The following FAM163A variants were observed in gnomAD, a reference collection of about 807,000 sequenced individuals.
FAM163A encodes the protein family with sequence similarity 163 member A.
Under a neutral mutation model 12.0 loss-of-function variants are expected in FAM163A, and 7 were observed. The observed-to-expected ratio is 0.58, with a 90% confidence interval of 0.33 to 1.10. FAM163A has a LOEUF of 1.10. Among genes scored for constraint, FAM163A ranks in the 50% least tolerant of loss-of-function variants. The pLI is 0.03. For missense variants in FAM163A, 202 were observed against 218.6 expected (o/e 0.92, Z 0.48); for synonymous variants, 101 against 91.0 (o/e 1.11, Z -0.62).
At chr1:179,730,132 C>T in the FAM163A span, 3 of 152,238 alleles carry the variant, frequency 2.0e-5, no homozygotes, top group Admixed American at 2.0e-4. Flanking sequence ...CCTGATGTCA[C>T]AGTCACCTTA....
At chr1:179,777,537 T>G (rs1689146915) in intron 1 of FAM163A, among the ~76,000 whole-genome samples, 1 of 152,198 alleles carries the variant, frequency 6.6e-6, no homozygotes, top group Admixed American at 6.5e-5. Context: ...TCTGATGTGC[T>G]GCTGCAGATG....
upstream of FAM163A, among the ~76,000 whole-genome samples, chr1:179,740,366 A>C (rs1489068944): frequency 6.6e-6 from 1 of 152,068 alleles, no homozygotes; most frequent in Non-Finnish European, 1.5e-5. Context: ...TTTTATGTAG[A>C]GACAGGGTCT....
chr1:179,800,458 A>C lies in FAM163A; in HGVS notation c.-135-7340A>C, dbSNP rs570299050. 8.1e-4 allele frequency among the ~76,000 whole-genome samples: 123 copies of C among 152,240 alleles called. 1 individual carries two copies. The highest frequency in any genetic ancestry group is 2.2e-3 in the Admixed American group (34 of 15,282). The stretch of plus-strand genomic sequence containing the variant: ...TATTTATTTGTAACCCCAAGCACTG[A>C]ACAAGCCTGATGGATATGCCTACTC... On this transcript the variant is annotated intron_variant, in intron 1 of 4. Coordinates refer to ENST00000341785, the MANE Select transcript of FAM163A (RefSeq NM_173509.3).
Position 179,777,046 on chromosome 1 carries a change from G to C in FAM163A, c.-135-30752G>C, listed in dbSNP as rs189692754. Reference sequence around the variant, plus strand: ...TTTGTCCATGTTGTAGCATGCATCAGAATGCCATTCCTTTTCATGACTGAG... The same window carrying C: ...TTTGTCCATGTTGTAGCATGCATCACAATGCCATTCCTTTTCATGACTGAG... On this transcript the variant is annotated intron_variant, in intron 1 of 4. Transcript: ENST00000341785. Among the ~76,000 whole-genome samples the C allele has an allele frequency of 2.9e-3, 441 of 152,340 alleles. 5 individuals are homozygous for C. Among genetic ancestry groups the C allele is most frequent in the African/African-American group, 1.0e-2 (414 of 41,576 alleles).
the FAM163A span, among the ~76,000 whole-genome samples, chr1:179,732,406 A>C: frequency 6.6e-6 from 1 of 152,292 alleles, no homozygotes; most frequent in African/African-American, 2.4e-5. Context: ...CACTGTTACT[A>C]TGTCCCCACA....
chr1:179,805,249 G>C (rs1693762308), intron 1 of FAM163A, among the ~76,000 whole-genome samples: 1 of 152,166 alleles, frequency 6.6e-6, no homozygotes, highest in South Asian at 2.1e-4. Flanking sequence ...CGGGCATGCT[G>C]GCTCACGCCT....
chr1:179,744,054 A>AT, intron 1 of FAM163A, among the ~76,000 whole-genome samples: 1 of 152,020 alleles, frequency 6.6e-6, no homozygotes, highest in East Asian at 2.0e-4. Context: ...TTTGCTGGTG[A>AT]TTTTTCCGAA....
intron 1 of FAM163A, among the ~76,000 whole-genome samples, chr1:179,767,250 C>T (rs994867281): frequency 5.3e-5 from 8 of 152,098 alleles, no homozygotes; most frequent in African/African-American, 1.7e-4. Flanking sequence ...TGGACATGTT[C>T]GAGTCCAATC....
At chr1:179,782,391 G>A (rs1419418960) in intron 1 of FAM163A, among the ~76,000 whole-genome samples, 2 of 152,018 alleles carry the variant, frequency 1.3e-5, no homozygotes, top group African/African-American at 2.4e-5. Flanking sequence ...CAGAAGGGCC[G>A]GTCGGCAGGG....
At chr1:179,758,957 C>A (rs1400797204) in intron 1 of FAM163A, among the ~76,000 whole-genome samples, 2 of 152,168 alleles carry the variant, frequency 1.3e-5, no homozygotes, top group East Asian at 3.8e-4. Context: ...TTTAATAGCA[C>A]CCCTGCATCC....
At chr1:179,753,825 A>C (rs1685620936) in intron 1 of FAM163A, among the ~76,000 whole-genome samples, 1 of 152,204 alleles carries the variant, frequency 6.6e-6, no homozygotes, top group South Asian at 2.1e-4. Flanking sequence ...GACAGTAGAG[A>C]AAGATGATAA....
the FAM163A span, among the ~76,000 whole-genome samples, chr1:179,735,492 A>ATTTTT: frequency 2.6e-4 from 15 of 58,390 alleles, no homozygotes; most frequent in Admixed American, 2.0e-4. Context: ...AAGGAGTTAC[A>ATTTTT]TTCTTTTTTT....
chr1:179,743,673 G>T (rs1379272631), intron 1 of FAM163A, among the ~76,000 whole-genome samples: 2 of 152,156 alleles, frequency 1.3e-5, no homozygotes, highest in South Asian at 2.1e-4. Context: ...CGCGCCAGGG[G>T]CCTCTCGCTC....
intron 1 of FAM163A, among the ~76,000 whole-genome samples, chr1:179,757,618 A>C (rs11588754): frequency 0.43 from 65,626 of 151,892 alleles, 14,570 homozygotes; most frequent in East Asian, 0.66. Context: ...TCGAGACCAG[A>C]CTGGCCAACA....
intron 1 of FAM163A, among the ~76,000 whole-genome samples, chr1:179,777,376 C>T (rs1426602733): frequency 6.6e-6 from 1 of 152,142 alleles, no homozygotes; most frequent in African/African-American, 2.4e-5. Context: ...AAACAGCTGA[C>T]CCCAAATTCT....
At chr1:179,769,532 A>G (rs960089910) in intron 1 of FAM163A, among the ~76,000 whole-genome samples, 1 of 152,206 alleles carries the variant, frequency 6.6e-6, no homozygotes, top group Non-Finnish European at 1.5e-5. Flanking sequence ...TCAGCAGATT[A>G]TTGCTGAAAT....
intron 1 of FAM163A, among the ~76,000 whole-genome samples, chr1:179,743,786 C>G (rs1003776924): frequency 3.9e-5 from 6 of 152,160 alleles, no homozygotes; most frequent in Admixed American, 1.3e-4. Flanking sequence ...TGCCCCCGGG[C>G]CGTGCCGAAG....
chr1:179,744,842 A>T (rs1684229656), intron 1 of FAM163A, among the ~76,000 whole-genome samples: 1 of 152,196 alleles, frequency 6.6e-6, no homozygotes, highest in Non-Finnish European at 1.5e-5. Context: ...GTCCTCTAGC[A>T]GCTGAGCCAG....
rs1435502086 is a variant in FAM163A, at chr1:179,807,834, T to C, written c.-99T>C. 2 of 152,410 alleles carry C rather than the reference T, an allele frequency of 1.3e-5. No individual in the cohort carries two copies. The highest frequency in any genetic ancestry group is 2.9e-5 in the Non-Finnish European group (2 of 68,168). 9.4% of individuals were successfully genotyped at this position (152,410 alleles called of 1,614,324 possible). A position where few individuals can be genotyped will look rare whatever the true frequency, so the allele number is the denominator to read the frequency against. ...CTTGGCCAGACGCACCCCCAACTGC[T>C]GTCTGCTCAGGTGTAGCCCGCGTGA... On this transcript the variant is annotated 5_prime_UTR_variant, in exon 2 of 5. Transcript: ENST00000341785.
Sources: gnomAD v4.1 joint callset for allele counts (sites outside exome capture counted in the v4.1 genomes callset) on GRCh38, gnomAD v4.1.1 for gene constraint, MANE v1.5 for transcripts, NCBI Gene and HGNC (gene_info 2026-07-23, HGNC 2026-07-21) for gene names.